Variants in ERC2 observed in about 807,000 individuals in gnomAD.
ERC2 encodes ELKS/RAB6-interacting/CAST family member 2.
ERC2 carries 42 observed loss-of-function variants against 114.8 expected under a neutral mutation model. That is an observed-to-expected ratio of 0.37 (90% CI 0.29 to 0.47). ERC2 has a LOEUF of 0.47. Among genes scored for constraint, ERC2 ranks in the 20% least tolerant of loss-of-function variants. ERC2 has a pLI of 0.99. For synonymous variants in ERC2, 454 were observed against 425.5 expected (o/e 1.07, Z -0.82); for missense variants, 939 against 1,150.7 (o/e 0.82, Z 2.66).
At chr3:55,594,316 T>C (rs1173360527) in intron 17 of ERC2, among the ~76,000 whole-genome samples, 1 of 152,148 alleles carries the variant, frequency 6.6e-6, no homozygotes, top group Non-Finnish European at 1.5e-5. Flanking sequence ...TAACACTGTT[T>C]AACTTTTTAG....
chr3:55,725,514 A>C (rs540606383), intron 15 of ERC2, among the ~76,000 whole-genome samples: 1 of 152,306 alleles, frequency 6.6e-6, no homozygotes, highest in East Asian at 1.9e-4. Context: ...TCTGCAACAA[A>C]AAAAAATAGC....
intron 2 of ERC2, among the ~76,000 whole-genome samples, chr3:56,405,636 T>C (rs1182595500): frequency 2.2e-5 from 3 of 137,484 alleles, no homozygotes; most frequent in Non-Finnish European, 3.1e-5. Flanking sequence ...GATAGATAGA[T>C]ACATAGACAG....
intron 7 of ERC2, among the ~76,000 whole-genome samples, chr3:56,019,252 C>G (rs1020517379): frequency 3.3e-5 from 5 of 152,108 alleles, no homozygotes; most frequent in Non-Finnish European, 7.4e-5. Flanking sequence ...AGAGTATCTC[C>G]CTCCATACAA....
At position 55,934,833 on chromosome 3, in the gene ERC2, G is replaced by C. The variant is rs1185633835; in HGVS notation, c.2403+15592C>G. ...TTCTGCAGTATAGAAGGAGCCATTTGAAAAGTTCAAAACCCAATCAGTATA... is the reference window on the plus strand; with the variant it reads ...TTCTGCAGTATAGAAGGAGCCATTTCAAAAGTTCAAAACCCAATCAGTATA... On this transcript the variant is annotated intron_variant, in intron 13 of 17. Transcript: ENST00000288221. Among the ~76,000 whole-genome samples the C allele has an allele frequency of 2.0e-5, 3 of 152,158 alleles. No individual in the cohort carries two copies. The East Asian group carries it at 5.8e-4, about 29-fold the overall frequency.
chr3:55,660,768 G>A (rs1344897751), intron 17 of ERC2, among the ~76,000 whole-genome samples: 1 of 152,180 alleles, frequency 6.6e-6, no homozygotes, highest in Non-Finnish European at 1.5e-5. Context: ...TTGAGTCCCA[G>A]CCCTGCCATT....
chr3:55,568,478 C>G (rs1051444723), intron 17 of ERC2, among the ~76,000 whole-genome samples: 15 of 152,248 alleles, frequency 9.9e-5, no homozygotes, highest in African/African-American at 3.6e-4. Context: ...CCTCACTCTT[C>G]TGGCTGCTCA....
chr3:56,082,219 C>A (rs893471438), intron 6 of ERC2, among the ~76,000 whole-genome samples: 4 of 152,146 alleles, frequency 2.6e-5, no homozygotes, highest in Non-Finnish European at 2.9e-5. Flanking sequence ...AAAGGTGGGG[C>A]CTTTAGGAGG....
At chr3:56,252,520 C>T (rs944366959) in intron 3 of ERC2, among the ~76,000 whole-genome samples, 6 of 151,962 alleles carry the variant, frequency 3.9e-5, no homozygotes, top group Admixed American at 3.3e-4. Context: ...TTTGGGAGGC[C>T]GAGGTGGGCA....
chr3:55,612,253 C>T (rs996083799), intron 17 of ERC2, among the ~76,000 whole-genome samples: 19 of 152,194 alleles, frequency 1.2e-4, no homozygotes, highest in Non-Finnish European at 2.5e-4. Flanking sequence ...AAGAACTTAT[C>T]CCAAAAAGGT....
At chr3:55,874,593 A>C (rs928503253) in intron 14 of ERC2, among the ~76,000 whole-genome samples, 1 of 151,880 alleles carries the variant, frequency 6.6e-6, no homozygotes, top group African/African-American at 2.4e-5. Context: ...TTGTTAAGTC[A>C]TTCTAACAAA....
chr3:55,699,352 T>G, intron 16 of ERC2, 26 bp downstream of exon 16: 1 of 1,613,234 alleles, frequency 6.2e-7, no homozygotes, highest in Non-Finnish European at 8.5e-7. Flanking sequence ...AAAGGGGTCT[T>G]GGAGGTAAGC....
chr3:56,020,266 A>AT (rs901769409), intron 7 of ERC2, among the ~76,000 whole-genome samples: 1 of 151,852 alleles, frequency 6.6e-6, no homozygotes, highest in East Asian at 1.9e-4. Flanking sequence ...CAAAGATGAA[A>AT]TTTTTTTTCT....
chr3:56,046,218 C>G (rs1045873779), intron 7 of ERC2, among the ~76,000 whole-genome samples: 5 of 152,142 alleles, frequency 3.3e-5, no homozygotes, highest in Admixed American at 6.5e-5. Flanking sequence ...TCACCCTTTT[C>G]AAGAAAAATT....
Position 55,805,668 on chromosome 3 carries a change from C to CACA in ERC2, c.2565-70753_2565-70751dup, listed in dbSNP as rs201785688. ...ATGTGCTCTGAAATTATTGCTTATT[C>CACA]ACAACAACAACAAAGATAGAAGTTT... On this transcript the variant is annotated intron_variant, in intron 14 of 17. Coordinates refer to ENST00000288221, the MANE Select transcript of ERC2 (RefSeq NM_015576.3). Among the ~76,000 whole-genome samples, 5 of 131,490 alleles carry CACA rather than the reference C, an allele frequency of 3.8e-5. No homozygotes were observed. In the South Asian group the frequency reaches 7.4e-4, roughly 19 times the overall value. 86.3% of individuals were successfully genotyped at this position (131,490 alleles called of 152,430 possible).
chr3:55,813,090 A>G (rs1279910391), intron 14 of ERC2, among the ~76,000 whole-genome samples: 1 of 152,208 alleles, frequency 6.6e-6, no homozygotes, highest in Non-Finnish European at 1.5e-5. Flanking sequence ...CGAAGCACAG[A>G]AAAACCAAGT....
intron 3 of ERC2, among the ~76,000 whole-genome samples, chr3:56,276,762 C>T (rs896007581): frequency 1.3e-5 from 2 of 152,112 alleles, no homozygotes; most frequent in African/African-American, 4.8e-5. Flanking sequence ...CTTCGCTGGG[C>T]CACATTGGAA....
intron 17 of ERC2, among the ~76,000 whole-genome samples, chr3:55,519,358 T>C (rs758843191): frequency 9.2e-5 from 14 of 152,174 alleles, no homozygotes; most frequent in Non-Finnish European, 1.9e-4. Flanking sequence ...TCATCTGAAA[T>C]GTAGCCCTGC....
chr3:55,672,928 T>C (rs902373032), intron 17 of ERC2, among the ~76,000 whole-genome samples: 1 of 152,162 alleles, frequency 6.6e-6, no homozygotes, highest in African/African-American at 2.4e-5. Context: ...TCCATCAGCA[T>C]GTTGGTGCAT....
chr3:56,001,977 T>C (rs983198206), intron 10 of ERC2, among the ~76,000 whole-genome samples: 3 of 152,278 alleles, frequency 2.0e-5, no homozygotes, highest in South Asian at 4.1e-4. Flanking sequence ...GCCTGCTTAT[T>C]AGCACTTCTA....
Sources: allele counts gnomAD v4.1 joint callset (sites outside exome capture counted in the v4.1 genomes callset), GRCh38; gene constraint gnomAD v4.1.1; transcripts MANE v1.5; gene names NCBI Gene and HGNC (gene_info 2026-07-23, HGNC 2026-07-21).